The following MECOM variants were observed in gnomAD, a reference collection of about 807,000 sequenced individuals.
MECOM encodes the protein histone-lysine N-methyltransferase MECOM.
A neutral mutation model predicts 116.3 loss-of-function variants in MECOM; 13 were observed. That is an observed-to-expected ratio of 0.11 (90% CI 0.07 to 0.18). The LOEUF (loss-of-function observed/expected upper bound fraction) is 0.18. MECOM is among the 10% of genes least tolerant of loss of function. MECOM has a pLI of 1.00. For missense variants in MECOM, 1,299 were observed against 1,509.0 expected, an observed-to-expected ratio of 0.86 and a Z score of 2.31; for synonymous variants, 528 against 535.2, an observed-to-expected ratio of 0.99 and a Z score of 0.19.
At chr3:169,443,418 T>C (rs1744075020) in intron 1 of MECOM, among the ~76,000 whole-genome samples, 1 of 152,216 alleles carries the variant, frequency 6.6e-6, no homozygotes, top group Non-Finnish European at 1.5e-5. Context: ...AGACCTATTG[T>C]GACCTATGAA....
At chr3:169,528,111 C>G (rs1371839031) in intron 1 of MECOM, among the ~76,000 whole-genome samples, 1 of 152,196 alleles carries the variant, frequency 6.6e-6, no homozygotes, top group East Asian at 1.9e-4. Context: ...TTTTCTGAGC[C>G]AAACCCCTTC....
rs185940862 is a variant in MECOM at position 169,223,045 on chromosome 3, T to C, written c.376-79213A>G. Among the ~76,000 whole-genome samples the C allele has an allele frequency of 5.3e-4, 80 of 152,312 alleles. 1 individual carries two copies. Among genetic ancestry groups the C allele is most frequent in the Admixed American group, 4.2e-3 (64 of 15,300 alleles). ...CCATCTATAAAATGGTGAGACTGGATACAGTAATCGCTAATTCTGTGGTAT... is the reference window on the plus strand; with the variant it reads ...CCATCTATAAAATGGTGAGACTGGACACAGTAATCGCTAATTCTGTGGTAT... On this transcript the variant is annotated intron_variant, in intron 2 of 16. Transcript: ENST00000651503.
chr3:169,405,488 A>G (rs1231650760), intron 1 of MECOM, among the ~76,000 whole-genome samples: 2 of 152,092 alleles, frequency 1.3e-5, no homozygotes, highest in Admixed American at 6.5e-5. Context: ...TTTTTTTGCC[A>G]TGTAAATTTG....
chr3:169,129,615 C>G (rs1734019135), intron 4 of MECOM, among the ~76,000 whole-genome samples: 1 of 152,028 alleles, frequency 6.6e-6, no homozygotes, highest in Non-Finnish European at 1.5e-5. Flanking sequence ...ATGACATTAG[C>G]TGGTTAGGAG....
At chr3:169,463,914 T>C (rs530388606) in intron 1 of MECOM, 20 of 152,024 alleles carry the variant, frequency 1.3e-4, no homozygotes, top group Non-Finnish European at 1.8e-4. Flanking sequence ...TGCAAAAAAA[T>C]TTTTTTTAAT....
rs1210464157 is a variant in MECOM, at chr3:169,576,836, CACAG to C, written c.37+86496_37+86499del. ...ACACACACACACACACACACACACACACAGAGAGAGAGAGAGAGAGTTAAGAGTG... is the reference window on the plus strand; with the variant it reads ...ACACACACACACACACACACACACACAGAGAGAGAGAGAGAGTTAAGAGTG... On this transcript the variant is annotated intron_variant, in intron 1 of 16. Coordinates refer to ENST00000651503, the MANE Select transcript of MECOM (RefSeq NM_004991.4). Among the ~76,000 whole-genome samples, 494 of 113,340 alleles carry C rather than the reference CACAG, an allele frequency of 4.4e-3. 1 individual carries two copies. The highest frequency in any genetic ancestry group is 0.014 in the African/African-American group (460 of 33,664). The allele number at this position is 113,340 out of a possible 152,430, so 74.4% of individuals were successfully genotyped here.
intron 2 of MECOM, among the ~76,000 whole-genome samples, chr3:169,178,786 A>G (rs1388815436): frequency 6.6e-6 from 1 of 152,164 alleles, no homozygotes; most frequent in Admixed American, 6.5e-5. Context: ...CCAATGTTTT[A>G]TTGTTTTTCT....
At chr3:169,627,524 G>A (rs773346635) in intron 1 of MECOM, among the ~76,000 whole-genome samples, 12 of 152,202 alleles carry the variant, frequency 7.9e-5, no homozygotes, top group Admixed American at 2.0e-4. Flanking sequence ...AATCAGAGAT[G>A]AACATGTTAC....
At chr3:169,458,851 G>C (rs1246166003) in intron 1 of MECOM, among the ~76,000 whole-genome samples, 1 of 152,180 alleles carries the variant, frequency 6.6e-6, no homozygotes, top group Non-Finnish European at 1.5e-5. Context: ...GTAGAGCAGA[G>C]GCACTTCCTA....
At chr3:169,433,513 GA>G (rs1191245580) in intron 1 of MECOM, among the ~76,000 whole-genome samples, 1 of 137,530 alleles carries the variant, frequency 7.3e-6, no homozygotes. Context: ...AGAAAGAAAA[GA>G]AAGACAAACA....
intron 1 of MECOM, among the ~76,000 whole-genome samples, chr3:169,636,082 C>T (rs1772711992): frequency 1.3e-5 from 2 of 152,140 alleles, no homozygotes; most frequent in Non-Finnish European, 2.9e-5. Context: ...AGCTTGAGAG[C>T]ATTCTGTCTG....
intron 1 of MECOM, among the ~76,000 whole-genome samples, chr3:169,501,871 T>C (rs952438314): frequency 6.6e-6 from 1 of 152,082 alleles, no homozygotes; most frequent in African/African-American, 2.4e-5. Flanking sequence ...TAAAACACTG[T>C]GCAGAAGTAG....
intron 1 of MECOM, among the ~76,000 whole-genome samples, chr3:169,538,832 A>T (rs1264731610): frequency 6.6e-6 from 1 of 152,204 alleles, no homozygotes; most frequent in African/African-American, 2.4e-5. Flanking sequence ...GCCACCCACC[A>T]AAAGAGCCCT....
chr3:169,376,001 C>T (rs1431606887), intron 2 of MECOM, among the ~76,000 whole-genome samples: 1 of 152,030 alleles, frequency 6.6e-6, no homozygotes, highest in Non-Finnish European at 1.5e-5. Context: ...CGGCTTCATC[C>T]CTGGGATGCA....
intron 2 of MECOM, among the ~76,000 whole-genome samples, chr3:169,329,266 A>G (rs1312844324): frequency 2.0e-5 from 3 of 152,222 alleles, no homozygotes; most frequent in African/African-American, 7.2e-5. Flanking sequence ...AAATAATTGA[A>G]GTCAGTCTAT....
chr3:169,659,114 C>G (rs917340560), intron 1 of MECOM, among the ~76,000 whole-genome samples: 1 of 145,362 alleles, frequency 6.9e-6, no homozygotes. Flanking sequence ...AAGAAAGAAA[C>G]CAAAATTCGT....
At chr3:169,563,051 A>G (rs1289811996) in intron 1 of MECOM, among the ~76,000 whole-genome samples, 1 of 149,286 alleles carries the variant, frequency 6.7e-6, no homozygotes, top group East Asian at 2.1e-4. Context: ...GTGACAAGAA[A>G]AAAGCTCCAT....
At chr3:169,523,416 A>C (rs559157688) in intron 1 of MECOM, among the ~76,000 whole-genome samples, 2 of 142,874 alleles carry the variant, frequency 1.4e-5, no homozygotes, top group Admixed American at 7.2e-5. Flanking sequence ...CGCCATGAAA[A>C]CTCACTACTG....
chr3:169,557,788 G>C (rs1762204730), intron 1 of MECOM, among the ~76,000 whole-genome samples: 2 of 152,114 alleles, frequency 1.3e-5, no homozygotes, highest in African/African-American at 2.4e-5. Context: ...CAACCTAGTT[G>C]GTTGGACCAA....
Sources: gnomAD v4.1 joint callset for allele counts (sites outside exome capture counted in the v4.1 genomes callset) on GRCh38, gnomAD v4.1.1 for gene constraint, MANE v1.5 for transcripts, NCBI Gene and HGNC (gene_info 2026-07-23, HGNC 2026-07-21) for gene names.